Variants in CRTAC1 observed in about 807,000 individuals in gnomAD.
CRTAC1 encodes acidic secreted protein in cartilage.
CRTAC1 carries 37 observed loss-of-function variants against 67.8 expected under a neutral mutation model. The observed-to-expected ratio is 0.55, with a 90% CI of 0.42 to 0.72. The LOEUF is 0.72. Ranked by LOEUF, CRTAC1 falls within the 30% of genes least tolerant of loss-of-function variation. The pLI, the probability that CRTAC1 is intolerant of heterozygous loss-of-function variation, is 0.00. For missense variants in CRTAC1, 780 were observed against 931.6 expected, an observed-to-expected ratio of 0.84 and a Z score of 2.12; for synonymous variants, 348 against 371.0, an observed-to-expected ratio of 0.94 and a Z score of 0.71.
At chr10:97,871,910 C>T (rs368826390) in intron 14 of CRTAC1, among the ~76,000 whole-genome samples, 5 of 152,106 alleles carry the variant, frequency 3.3e-5, no homozygotes, top group South Asian at 2.1e-4. Flanking sequence ...TTCAAGTTAT[C>T]GATTTCTGTA....
intron 2 of CRTAC1, among the ~76,000 whole-genome samples, chr10:97,951,599 T>C (rs1311217892): frequency 6.6e-6 from 1 of 152,210 alleles, no homozygotes; most frequent in East Asian, 1.9e-4. Flanking sequence ...AGTACCAAAT[T>C]GTACCTAGGC....
At chr10:97,914,669 T>C (rs2050733893) in intron 5 of CRTAC1, among the ~76,000 whole-genome samples, 1 of 152,176 alleles carries the variant, frequency 6.6e-6, no homozygotes, top group East Asian at 1.9e-4. Flanking sequence ...GCAGGACTCT[T>C]GCCTCTCACC....
chr10:97,992,639 G>T (rs974032251), intron 2 of CRTAC1, among the ~76,000 whole-genome samples: 13 of 152,188 alleles, frequency 8.5e-5, no homozygotes, highest in African/African-American at 3.1e-4. Flanking sequence ...TGTCATATGT[G>T]ACAACATGGG....
intron 8 of CRTAC1, among the ~76,000 whole-genome samples, chr10:97,900,858 C>G (rs113648669): frequency 1.4e-3 from 133 of 93,218 alleles, no homozygotes; most frequent in East Asian, 3.2e-3. Flanking sequence ...AGTGATTGGA[C>G]CCCGTAGCCC....
chr10:97,905,297 T>G (rs1277490437), intron 6 of CRTAC1, among the ~76,000 whole-genome samples: 3 of 152,198 alleles, frequency 2.0e-5, no homozygotes, highest in African/African-American at 7.2e-5. Flanking sequence ...TATCTGGTCT[T>G]GATCTGGTCC....
At chr10:97,952,298 G>A (rs189370752) in intron 2 of CRTAC1, among the ~76,000 whole-genome samples, 1 of 151,866 alleles carries the variant, frequency 6.6e-6, no homozygotes, top group African/African-American at 2.4e-5. Flanking sequence ...CTTGCAGTGA[G>A]CTGAAATTGC....
intron 2 of CRTAC1, among the ~76,000 whole-genome samples, chr10:97,946,241 T>C (rs2051261761): frequency 6.6e-6 from 1 of 152,210 alleles, no homozygotes; most frequent in Non-Finnish European, 1.5e-5. Flanking sequence ...AGTTGAGAAA[T>C]GTATTGGCTT....
intron 3 of CRTAC1, among the ~76,000 whole-genome samples, chr10:97,925,733 G>A (rs546268784): frequency 6.6e-6 from 1 of 151,332 alleles, no homozygotes; most frequent in Admixed American, 6.6e-5. Flanking sequence ...GAGGGTGAGT[G>A]AGAATGAGTG....
chr10:97,927,969 A>G (rs975024564), intron 3 of CRTAC1, among the ~76,000 whole-genome samples: 1 of 152,186 alleles, frequency 6.6e-6, no homozygotes, highest in African/African-American at 2.4e-5. Context: ...GGGGTCCCTC[A>G]TGAGAGGGTG....
chr10:97,865,843 C>T, intron 14 of CRTAC1, 129 bp from the exon 15 acceptor site: 1 of 1,268,752 alleles, frequency 7.9e-7, no homozygotes, highest in African/African-American at 1.5e-5. Context: ...GGTGACGGGC[C>T]TCATATTTCC....
At chr10:97,993,334 T>A (rs746216643) in intron 2 of CRTAC1, among the ~76,000 whole-genome samples, 5 of 152,262 alleles carry the variant, frequency 3.3e-5, no homozygotes, top group Non-Finnish European at 7.3e-5. Context: ...GAAAGCCTTA[T>A]GACTACAACC....
At chr10:97,923,559 T>A (rs1344503932) in intron 3 of CRTAC1, among the ~76,000 whole-genome samples, 159 bp from the exon 4 acceptor site, 1 of 152,090 alleles carries the variant, frequency 6.6e-6, no homozygotes, top group Admixed American at 6.6e-5. Flanking sequence ...GACTCCTCTG[T>A]GTTTGGGGAG....
rs571338870 is a variant in CRTAC1 at position 97,959,700 on chromosome 10, G to A, written c.225-23334C>T. Among the ~76,000 whole-genome samples the A allele has an allele frequency of 8.4e-4, 128 of 152,350 alleles. 1 individual carries two copies. In the Middle Eastern group the frequency reaches 0.014, roughly 16 times the overall value. On this transcript the variant is annotated intron_variant, in intron 2 of 14. Coordinates refer to ENST00000370597, the MANE Select transcript of CRTAC1 (RefSeq NM_018058.7). ...ACCGCCACTGGGCCATAGGTAAGGCGGATATGTTGTCCAGCCCACTGCCAC... is the reference window on the plus strand; with the variant it reads ...ACCGCCACTGGGCCATAGGTAAGGCAGATATGTTGTCCAGCCCACTGCCAC...
intron 2 of CRTAC1, among the ~76,000 whole-genome samples, chr10:97,953,367 T>C (rs2051390931): frequency 6.6e-6 from 1 of 152,142 alleles, no homozygotes; most frequent in Admixed American, 6.5e-5. Flanking sequence ...CAGTATCTTT[T>C]GAAATTCAAT....
intron 2 of CRTAC1, among the ~76,000 whole-genome samples, chr10:97,992,319 G>A (rs1426525006): frequency 2.0e-5 from 3 of 152,198 alleles, no homozygotes; most frequent in Non-Finnish European, 2.9e-5. Flanking sequence ...GAAGGATATG[G>A]ACAACAGGTT....
intron 2 of CRTAC1, among the ~76,000 whole-genome samples, chr10:97,948,023 G>T (rs2051292101): frequency 6.6e-6 from 1 of 151,776 alleles, no homozygotes; most frequent in African/African-American, 2.4e-5. Context: ...TGTCTGGTAT[G>T]CATGAAGGAT....
At chr10:97,929,804 C>T (rs1415374409) in intron 3 of CRTAC1, among the ~76,000 whole-genome samples, 1 of 152,226 alleles carries the variant, frequency 6.6e-6, no homozygotes, top group Admixed American at 6.5e-5. Context: ...CAGGAAATCA[C>T]AGCACATGAC....
At chr10:98,000,546 C>T (rs934798223) in intron 2 of CRTAC1, among the ~76,000 whole-genome samples, 4 of 152,232 alleles carry the variant, frequency 2.6e-5, no homozygotes, top group African/African-American at 9.6e-5. Flanking sequence ...ACATCTGACT[C>T]GCAGTCTCCC....
At position 97,880,433 on chromosome 10, in the gene CRTAC1, C is replaced by T. The variant is rs867507523; in HGVS notation, c.1676-41G>A. 5 of 1,600,736 alleles carry T rather than the reference C, an allele frequency of 3.1e-6. 1 individual carries two copies. The highest frequency in any genetic ancestry group is 3.3e-4 in the Middle Eastern group (2 of 6,028). ...AACCACTCACCATGAAGGTGTGGGGCAGCAAGTACCAGCCCAGGCTCTGCC... is the reference window on the plus strand; with the variant it reads ...AACCACTCACCATGAAGGTGTGGGGTAGCAAGTACCAGCCCAGGCTCTGCC... On this transcript the variant is annotated intron_variant, in intron 13 of 14. Transcript: ENST00000370597.
Sources: gnomAD v4.1 joint callset for allele counts (sites outside exome capture counted in the v4.1 genomes callset) on GRCh38, gnomAD v4.1.1 for gene constraint, MANE v1.5 for transcripts, NCBI Gene and HGNC (gene_info 2026-07-23, HGNC 2026-07-21) for gene names.